Variants in ZNF730 observed in about 807,000 individuals in gnomAD.
ZNF730 encodes the protein putative zinc finger protein 730.
Under a neutral mutation model 12.6 loss-of-function variants are expected in ZNF730, and 12 were observed. The observed-to-expected ratio is 0.95, with a 90% confidence interval of 0.61 to 1.54. The LOEUF (loss-of-function observed/expected upper bound fraction) is 1.54, where lower values mean the gene tolerates loss of function less well. ZNF730 is among the 40% of genes most tolerant of loss of function. The pLI is 0.00. For synonymous variants in ZNF730, 194 were observed against 195.8 expected (o/e 0.99, Z 0.08); for missense variants, 643 against 583.5 (o/e 1.10, Z -1.05).
intron 1 of ZNF730, among the ~76,000 whole-genome samples, chr19:23,121,712 A>T (rs543312227): frequency 1.3e-5 from 2 of 152,280 alleles, no homozygotes; most frequent in Middle Eastern, 3.4e-3. Flanking sequence ...TTTCATAAAC[A>T]TTCTTTCAAG....
At chr19:23,103,727 T>C (rs1211643182) in intron 1 of ZNF730, among the ~76,000 whole-genome samples, 1 of 152,210 alleles carries the variant, frequency 6.6e-6, no homozygotes, top group Non-Finnish European at 1.5e-5. Context: ...ATAATACTAA[T>C]ATATGTTCCA....
chr19:23,137,034 G>T (rs532465179), intron 3 of ZNF730, among the ~76,000 whole-genome samples: 2 of 152,242 alleles, frequency 1.3e-5, no homozygotes, highest in East Asian at 3.9e-4. Context: ...GCCGGACGTG[G>T]TGGCAGGCAC....
At chr19:23,078,460 G>A (rs1969905798) in intron 1 of ZNF730, among the ~76,000 whole-genome samples, 2 of 152,022 alleles carry the variant, frequency 1.3e-5, no homozygotes, top group African/African-American at 4.8e-5. Context: ...TCAAAGTACA[G>A]CACCTTTTCT....
Position 23,145,876 on chromosome 19 carries a change from C to T in ZNF730, c.832C>T (p.His278Tyr), listed in dbSNP as rs1970998806. 1.9e-6 allele frequency: 3 copies of T among 1,609,988 alleles called. No individual in the cohort carries two copies. In the African/African-American group the frequency reaches 4.0e-5, roughly 22 times the overall value. The change falls in exon 4 of 4, where the codon CAT becomes TAT. Residue 278 changes from histidine to tyrosine, a missense_variant. His to Tyr is a moderately conservative substitution (Grantham distance 83). Transcript: ENST00000597761. ...AAACCTTACTACACATAAAAGAATT[C>T]ATACTGGAGAGAAACCCTATAAATG... ...STNLTTHKRI[H>Y]TGEKPYKCEE...
At chr19:23,109,757 C>T (rs1245542538) in intron 1 of ZNF730, among the ~76,000 whole-genome samples, 1 of 151,938 alleles carries the variant, frequency 6.6e-6, no homozygotes, top group East Asian at 1.9e-4. Flanking sequence ...CCATGTTGGC[C>T]AGTATGGTCT....
intron 1 of ZNF730, among the ~76,000 whole-genome samples, chr19:23,099,329 A>G (rs1381852823): frequency 6.6e-6 from 1 of 152,056 alleles, no homozygotes; most frequent in Non-Finnish European, 1.5e-5. Flanking sequence ...AAAATCTCAG[A>G]GCAGATTGTG....
At chr19:23,132,124 A>G (rs12459244) in intron 1 of ZNF730, among the ~76,000 whole-genome samples, 88,009 of 150,480 alleles carry the variant, frequency 0.58, 27,054 homozygotes, top group South Asian at 0.73. Context: ...TTGTTCCTCA[A>G]TCTCTTCTGT....
chr19:23,141,083 G>A (rs751370861), intron 3 of ZNF730, among the ~76,000 whole-genome samples: 3 of 151,844 alleles, frequency 2.0e-5, no homozygotes, highest in East Asian at 3.9e-4. Flanking sequence ...AGCAATATAT[G>A]GAGACCCCAT....
chr19:23,127,127 C>A (rs757679054), intron 1 of ZNF730: 1 of 509,440 alleles, frequency 2.0e-6, no homozygotes. Context: ...GCATCCTTAT[C>A]TCGGTTATGA....
intron 1 of ZNF730, among the ~76,000 whole-genome samples, chr19:23,106,787 G>A (rs1260255894): frequency 7.7e-6 from 1 of 130,080 alleles, no homozygotes; most frequent in African/African-American, 3.0e-5. Context: ...CGAGAACTGC[G>A]TCTCAAAAAA....
intron 1 of ZNF730, among the ~76,000 whole-genome samples, chr19:23,081,132 C>T (rs1969959510): frequency 6.6e-6 from 1 of 151,826 alleles, no homozygotes; most frequent in Non-Finnish European, 1.5e-5. Context: ...AGGCGTGAGC[C>T]ACCATACTAG....
rs755315083 is a variant in ZNF730 at position 23,146,191 on chromosome 19, C to T, written c.1147C>T (p.Leu383Phe). The T allele has an allele frequency of 2.6e-5, 42 of 1,609,386 alleles. No individual in the cohort carries two copies. Among genetic ancestry groups the T allele is most frequent in the Non-Finnish European group, 3.3e-5 (39 of 1,177,610 alleles). Reference protein sequence around the residue: ...CGKAFNQSSTLTIHKIIHTVE... With the variant: ...CGKAFNQSSTFTIHKIIHTVE... ...TAAAGCTTTTAACCAATCCTCAACT[C>T]TTACTATACATAAGATAATTCATAC... The change falls in exon 4 of 4, where the codon CTT becomes TTT. Residue 383 changes from leucine to phenylalanine, a missense_variant. Transcript: ENST00000597761.
At chr19:23,096,255 T>G (rs1296531018) in intron 1 of ZNF730, among the ~76,000 whole-genome samples, 1 of 151,940 alleles carries the variant, frequency 6.6e-6, no homozygotes, top group Non-Finnish European at 1.5e-5. Flanking sequence ...TACTGTTTGG[T>G]TTCTGCCTAA....
In ZNF730 at chr19:23,075,716, G is replaced by T. The variant is rs187336355; in HGVS notation, c.-94+329G>T. On this transcript the variant is annotated intron_variant, in intron 1 of 2. Coordinates refer to the ZNF730 transcript ENST00000593635. The stretch of plus-strand genomic sequence containing the variant: ...GTGTGCGTGGGAGGAGCTGCGACCC[G>T]TGGGGTTCCCAAGCTTTCCTGTTAT... Among the ~76,000 whole-genome samples, 3 of 152,212 alleles carry T rather than the reference G, an allele frequency of 2.0e-5. No individual in the cohort carries two copies. In the East Asian group the frequency reaches 5.8e-4, roughly 29 times the overall value.
At chr19:23,100,682 A>C (rs1300079920) in intron 1 of ZNF730, among the ~76,000 whole-genome samples, 1 of 127,920 alleles carries the variant, frequency 7.8e-6, no homozygotes, top group African/African-American at 3.4e-5. Context: ...TTGAGACAGA[A>C]TCTTGCTCTG....
chr19:23,077,891 AG>A (rs1297549792), intron 1 of ZNF730, among the ~76,000 whole-genome samples: 1 of 152,218 alleles, frequency 6.6e-6, no homozygotes, highest in African/African-American at 2.4e-5. Flanking sequence ...GTGCTCACAG[AG>A]ACAAGTGCTG....
At chr19:23,081,065 C>T (rs978682674) in intron 1 of ZNF730, among the ~76,000 whole-genome samples, 13 of 151,618 alleles carry the variant, frequency 8.6e-5, no homozygotes, top group African/African-American at 2.2e-4. Flanking sequence ...AGACTGCTCT[C>T]GAACTCCCGA....
chr19:23,112,397 G>A (rs140644509), upstream of ZNF730, among the ~76,000 whole-genome samples: 138 of 152,176 alleles, frequency 9.1e-4, no homozygotes, highest in Non-Finnish European at 1.6e-3. Context: ...TGCAGCCAAC[G>A]TGTGAAAAAA....
intron 1 of ZNF730, among the ~76,000 whole-genome samples, chr19:23,092,539 A>G (rs1384689694): frequency 6.6e-6 from 1 of 152,180 alleles, no homozygotes; most frequent in African/African-American, 2.4e-5. Context: ...CGGTGAGCCA[A>G]GATTGCACCA....
Sources: gnomAD v4.1 joint callset for allele counts (sites outside exome capture counted in the v4.1 genomes callset) on GRCh38, gnomAD v4.1.1 for gene constraint, MANE v1.5 for transcripts, NCBI Gene and HGNC (gene_info 2026-07-23, HGNC 2026-07-21) for gene names.